Variants in FOXN3 observed in about 807,000 individuals in gnomAD.
FOXN3 encodes forkhead box N3.
Under a neutral mutation model 38.4 loss-of-function variants are expected in FOXN3, and 7 were observed. The ratio of observed to expected loss-of-function variants is 0.18; its 90% CI spans 0.10 to 0.34. The LOEUF (loss-of-function observed/expected upper bound fraction) is 0.34. Among genes scored for constraint, FOXN3 ranks in the 10% least tolerant of loss-of-function variants. The pLI is 1.00. For synonymous variants in FOXN3, 230 were observed against 242.2 expected (o/e 0.95, Z 0.47); for missense variants, 456 against 613.4 (o/e 0.74, Z 2.71).
chr14:89,363,963 T>TATATATATA (rs1890013507), intron 2 of FOXN3, among the ~76,000 whole-genome samples: 2 of 27,100 alleles, frequency 7.4e-5, no homozygotes, highest in African/African-American at 1.1e-4. Flanking sequence ...TATATATATA[T>TATATATATA]ATATATATAT....
intron 2 of FOXN3, among the ~76,000 whole-genome samples, chr14:89,401,117 AT>A (rs1387184533): frequency 6.6e-6 from 1 of 152,128 alleles, no homozygotes; most frequent in East Asian, 1.9e-4. Context: ...GAAGCCACTT[AT>A]TTTCATAAAT....
chr14:89,524,131 T>G, intron 1 of FOXN3, among the ~76,000 whole-genome samples: 3 of 144,384 alleles, frequency 2.1e-5, no homozygotes, highest in Admixed American at 6.9e-5. Context: ...TCCCAGCACT[T>G]TGGGAGGCCG....
rs1041478202 is a variant in FOXN3, at chr14:89,156,439, G to A, written c.*5975C>T. 4 of 152,510 alleles carry A rather than the reference G, an allele frequency of 2.6e-5. No individual in the cohort carries two copies. The highest frequency in any genetic ancestry group is 9.7e-5 in the African/African-American group (4 of 41,398). 9.4% of individuals were successfully genotyped at this position (152,510 alleles called of 1,614,324 possible). On this transcript the variant is annotated 3_prime_UTR_variant, in exon 6 of 6. Transcript: ENST00000557258. ...TTACATGAACATAACAGAACATCACGTTCTTTCTCCTTTATGGTTCTCCCT... is the reference window on the plus strand; with the variant it reads ...TTACATGAACATAACAGAACATCACATTCTTTCTCCTTTATGGTTCTCCCT...
At chr14:89,419,197 G>A, upstream of FOXN3, 1 of 456,098 alleles carries the variant, frequency 2.2e-6, no homozygotes. Flanking sequence ...ACCCTGAAGA[G>A]GAAGTGGTGG....
intron 4 of FOXN3, among the ~76,000 whole-genome samples, chr14:89,268,788 C>T (rs1309935971): frequency 6.6e-6 from 1 of 152,174 alleles, no homozygotes; most frequent in Non-Finnish European, 1.5e-5. Flanking sequence ...CTGGCACCTC[C>T]CATTTGGAAT....
chr14:89,466,844 A>G (rs75801803), intron 1 of FOXN3, among the ~76,000 whole-genome samples: 4,909 of 152,266 alleles, frequency 0.032, 256 homozygotes, highest in African/African-American at 0.11. Context: ...TGATCCCCTC[A>G]GGCCTACGGC....
At chr14:89,364,362 T>C (rs1890069352) in intron 2 of FOXN3, 2 of 150,068 alleles carry the variant, frequency 1.3e-5, no homozygotes, top group South Asian at 4.2e-4. Context: ...TGTTTTGTTT[T>C]TGTTTTTGTT....
intron 2 of FOXN3, among the ~76,000 whole-genome samples, chr14:89,410,324 A>G (rs1891511109): frequency 6.6e-6 from 1 of 152,180 alleles, no homozygotes; most frequent in African/African-American, 2.4e-5. Context: ...CTGATCCCAC[A>G]CAACAGTGGT....
rs1887075109 is a variant in FOXN3 at position 89,160,621 on chromosome 14, C to T, written c.*1793G>A. 1 of 152,602 alleles carries T rather than the reference C, an allele frequency of 6.6e-6. No individual in the cohort carries two copies. Among genetic ancestry groups the T allele is most frequent in the African/African-American group, 2.4e-5 (1 of 41,434 alleles). The allele number at this position is 152,602 out of a possible 1,614,324, so 9.5% of individuals were successfully genotyped here. The stretch of plus-strand genomic sequence containing the variant: ...AATTCTCTTGATTCTATCATACACA[C>T]TCACTACTAAGTTTGCCCTCAAATT... On this transcript the variant is annotated 3_prime_UTR_variant, in exon 6 of 6. Transcript: ENST00000557258.
rs1203581754 is a variant in FOXN3, at chr14:89,484,254, C to T, written c.-14-71764G>A. ...AGAAAGCTCCACACATCAAATTTCG[C>T]AAACACTTACGTCACACAACTGCCT... is the stretch of plus-strand genomic sequence containing the variant. On this transcript the variant is annotated intron_variant, in intron 1 of 6. Transcript: ENST00000345097. The surrounding 1 kb of genome is among the most constrained non-coding windows in gnomAD (Gnocchi z 4.0). 2.6e-5 allele frequency among the ~76,000 whole-genome samples: 4 copies of T among 152,218 alleles called. No homozygotes were observed. The highest frequency in any genetic ancestry group is 4.8e-5 in the African/African-American group (2 of 41,454).
At chr14:89,447,821 T>A (rs1358627190) in intron 1 of FOXN3, among the ~76,000 whole-genome samples, 11 of 131,914 alleles carry the variant, frequency 8.3e-5, no homozygotes, top group Non-Finnish European at 1.6e-4. Flanking sequence ...TTCCTTTTTT[T>A]TTTTTTTTTT....
At chr14:89,266,495 C>T (rs1373073828) in intron 4 of FOXN3, among the ~76,000 whole-genome samples, 4 of 151,874 alleles carry the variant, frequency 2.6e-5, no homozygotes, top group Non-Finnish European at 5.9e-5. Flanking sequence ...GCTGGGGGGG[C>T]GGTGGAGATG....
In FOXN3 at chr14:89,161,697, T is replaced by A. The variant is rs190875183; in HGVS notation, c.*717A>T. On this transcript the variant is annotated 3_prime_UTR_variant, in exon 6 of 6. Coordinates refer to ENST00000557258, the MANE Select transcript of FOXN3 (RefSeq NM_005197.4). ...AATGATTAGCAACATCACTAAAAAT[T>A]TACCCCATTTCTTCTCCATGAGTCA... 1 of 152,352 alleles carries A rather than the reference T, an allele frequency of 6.6e-6. No individual in the cohort carries two copies. The highest frequency in any genetic ancestry group is 6.6e-5 in the Admixed American group (1 of 15,244). 9.4% of individuals were successfully genotyped at this position (152,352 alleles called of 1,614,324 possible). A position where few individuals can be genotyped will look rare whatever the true frequency, so the allele number is the denominator to read the frequency against.
intron 5 of FOXN3, among the ~76,000 whole-genome samples, chr14:89,180,176 T>G (rs1887629157): frequency 6.6e-6 from 1 of 152,234 alleles, no homozygotes; most frequent in Admixed American, 6.5e-5. Context: ...TCATGCGGTT[T>G]GGCAGCTGGC....
chr14:89,358,529 G>A (rs1208119855), intron 2 of FOXN3, among the ~76,000 whole-genome samples: 1 of 152,186 alleles, frequency 6.6e-6, no homozygotes, highest in Non-Finnish European at 1.5e-5. Flanking sequence ...ACTGCCTTGA[G>A]TAATCATGGC....
chr14:89,578,103 C>A (rs922332469), intron 1 of FOXN3, among the ~76,000 whole-genome samples: 4 of 152,088 alleles, frequency 2.6e-5, no homozygotes, highest in African/African-American at 9.7e-5. Flanking sequence ...GGAAAAAATG[C>A]CATGGCAATT....
chr14:89,554,682 A>G (rs1596315987), intron 1 of FOXN3, among the ~76,000 whole-genome samples: 1 of 152,160 alleles, frequency 6.6e-6, no homozygotes, highest in Non-Finnish European at 1.5e-5. Flanking sequence ...AACAAATACT[A>G]CTAAAAAAGC....
intron 4 of FOXN3, 104 bp from the exon 5 acceptor site, chr14:89,180,910 C>G (rs1009489873): frequency 3.4e-5 from 24 of 704,056 alleles, no homozygotes; most frequent in Non-Finnish European, 5.3e-5. Context: ...GAGAGAGAGA[C>G]AGAGGGCAGA....
At chr14:89,487,119 A>G (rs1893462364) in intron 1 of FOXN3, among the ~76,000 whole-genome samples, 1 of 152,016 alleles carries the variant, frequency 6.6e-6, no homozygotes, top group African/African-American at 2.4e-5. Context: ...AAAGTCAACG[A>G]CTCTATTTTA....
Sources: allele counts gnomAD v4.1 joint callset (sites outside exome capture counted in the v4.1 genomes callset), GRCh38; gene constraint gnomAD v4.1.1; non-coding constraint Gnocchi (gnomAD v3.1); transcripts MANE v1.5; gene names NCBI Gene and HGNC (gene_info 2026-07-23, HGNC 2026-07-21).